PABPC4L: variants seen among roughly 807,000 people sequenced by gnomAD.
PABPC4L encodes the protein polyadenylate-binding protein 4-like.
For missense variants in PABPC4L, 452 were observed against 451.4 expected (o/e 1.00, Z -0.01); for synonymous variants, 169 against 164.1 (o/e 1.03, Z -0.23).
the PABPC4L span, among the ~76,000 whole-genome samples, chr4:134,128,303 G>C: frequency 6.6e-6 from 1 of 152,250 alleles, no homozygotes; most frequent in South Asian, 2.1e-4. Context: ...TTAAAAAGAA[G>C]CTCAAATAAC....
the PABPC4L span, among the ~76,000 whole-genome samples, chr4:133,977,402 T>C: frequency 6.6e-6 from 1 of 152,192 alleles, no homozygotes; most frequent in Non-Finnish European, 1.5e-5. Context: ...ATGAGCTTTT[T>C]TGTCGTTCTG....
the PABPC4L span, among the ~76,000 whole-genome samples, chr4:134,015,134 C>T: frequency 6.6e-6 from 1 of 152,048 alleles, no homozygotes; most frequent in Admixed American, 6.5e-5. Context: ...ACCTAATCAC[C>T]CTTACCCTGC....
At chr4:134,015,938 C>T in the PABPC4L span, among the ~76,000 whole-genome samples, 4 of 152,170 alleles carry the variant, frequency 2.6e-5, no homozygotes, top group Non-Finnish European at 5.9e-5. Flanking sequence ...CATATACTTT[C>T]TGCTTCCTGG....
chr4:134,004,650 T>C, the PABPC4L span, among the ~76,000 whole-genome samples: 2 of 151,846 alleles, frequency 1.3e-5, no homozygotes, highest in African/African-American at 4.8e-5. Flanking sequence ...GTTGAGGAGA[T>C]AGCTGCACTC....
the PABPC4L span, among the ~76,000 whole-genome samples, chr4:134,075,485 G>A: frequency 3.3e-5 from 5 of 152,084 alleles, no homozygotes; most frequent in African/African-American, 1.2e-4. Context: ...TCAATCTACT[G>A]TTCTTACTTA....
the PABPC4L span, among the ~76,000 whole-genome samples, chr4:134,159,592 C>G: frequency 6.6e-6 from 1 of 152,158 alleles, no homozygotes; most frequent in Non-Finnish European, 1.5e-5. Context: ...TAGACCAACA[C>G]TGGGCCAGAG....
chr4:134,149,947 T>C, the PABPC4L span, among the ~76,000 whole-genome samples: 2 of 152,112 alleles, frequency 1.3e-5, no homozygotes, highest in Non-Finnish European at 2.9e-5. Context: ...GCAATATCTA[T>C]TGCAGGAAGA....
At chr4:134,158,506 T>C in the PABPC4L span, among the ~76,000 whole-genome samples, 5 of 152,114 alleles carry the variant, frequency 3.3e-5, no homozygotes, top group South Asian at 6.2e-4. Context: ...AAAATCTTTT[T>C]GTTATGCTTT....
In PABPC4L at chr4:134,199,879, A is replaced by G. The variant is rs139183703; in HGVS notation, c.*28T>C. 31 of 1,546,988 alleles carry G rather than the reference A, an allele frequency of 2.0e-5. No homozygotes were observed. Among genetic ancestry groups the G allele is most frequent in the Non-Finnish European group, 2.5e-5 (29 of 1,145,798 alleles). ...TATCATTCTCCCACCTGCTGCAGATACTAGCTGGAAAGGTACGTTTTTCTT... is the reference window on the plus strand; with the variant it reads ...TATCATTCTCCCACCTGCTGCAGATGCTAGCTGGAAAGGTACGTTTTTCTT... On this transcript the variant is annotated 3_prime_UTR_variant, in exon 2 of 2. Coordinates refer to ENST00000421491, the MANE Select transcript of PABPC4L (RefSeq NM_001114734.2).
At chr4:134,093,709 T>C in the PABPC4L span, among the ~76,000 whole-genome samples, 3 of 151,460 alleles carry the variant, frequency 2.0e-5, no homozygotes, top group Non-Finnish European at 4.4e-5. Context: ...TAAAGTAATT[T>C]TGATTTATTA....
the PABPC4L span, among the ~76,000 whole-genome samples, chr4:134,175,310 A>T: frequency 6.6e-6 from 1 of 152,078 alleles, no homozygotes; most frequent in South Asian, 2.1e-4. Flanking sequence ...TGTGAATTAC[A>T]TGTGTGCTAT....
the PABPC4L span, among the ~76,000 whole-genome samples, chr4:134,181,506 G>C: frequency 6.6e-6 from 1 of 151,938 alleles, no homozygotes; most frequent in Non-Finnish European, 1.5e-5. Context: ...CATAGTGCTA[G>C]ATATCTTAGC....
At chr4:134,000,199 T>C in the PABPC4L span, among the ~76,000 whole-genome samples, 6 of 152,116 alleles carry the variant, frequency 3.9e-5, no homozygotes, top group South Asian at 6.2e-4. Context: ...CAAAAAAGCA[T>C]ATACAACTTA....
the PABPC4L span, among the ~76,000 whole-genome samples, chr4:134,128,889 A>G: frequency 6.6e-6 from 1 of 152,104 alleles, no homozygotes; most frequent in Admixed American, 6.5e-5. Flanking sequence ...GGCAGAATGG[A>G]TAAGAACTCA....
At chr4:134,111,108 C>T in the PABPC4L span, among the ~76,000 whole-genome samples, 1 of 151,978 alleles carries the variant, frequency 6.6e-6, no homozygotes, top group Non-Finnish European at 1.5e-5. Context: ...TGGTAAGGGT[C>T]CATCCTCTGC....
the PABPC4L span, among the ~76,000 whole-genome samples, chr4:134,024,014 G>T: frequency 1.2e-4 from 19 of 152,100 alleles, no homozygotes; most frequent in Non-Finnish European, 4.4e-5. Flanking sequence ...ACATTAAGTA[G>T]TTTGTATAAT....
the PABPC4L span, among the ~76,000 whole-genome samples, chr4:134,170,891 T>C: frequency 6.6e-6 from 1 of 152,174 alleles, no homozygotes; most frequent in Non-Finnish European, 1.5e-5. Flanking sequence ...CTCTTTTAAG[T>C]GCTTTGAGAT....
chr4:134,173,800 C>A, the PABPC4L span, among the ~76,000 whole-genome samples: 104 of 152,146 alleles, frequency 6.8e-4, no homozygotes, highest in South Asian at 1.7e-3. Context: ...ACATTTTATG[C>A]TTGTATCAAA....
At chr4:133,967,880 G>A in the PABPC4L span, among the ~76,000 whole-genome samples, 11 of 152,154 alleles carry the variant, frequency 7.2e-5, no homozygotes, top group African/African-American at 2.2e-4. Flanking sequence ...AAGCTTAAAA[G>A]TTAAAGGTTT....
Sources: allele counts gnomAD v4.1 joint callset (sites outside exome capture counted in the v4.1 genomes callset), GRCh38; gene constraint gnomAD v4.1.1; transcripts MANE v1.5; gene names NCBI Gene and HGNC (gene_info 2026-07-23, HGNC 2026-07-21).